Variants in DTWD2 observed in about 807,000 individuals in gnomAD.
DTWD2 encodes the protein tRNA-uridine aminocarboxypropyltransferase 2.
A neutral mutation model predicts 31.8 loss-of-function variants in DTWD2; 39 were observed. That is an observed-to-expected ratio of 1.22 (90% confidence interval 0.95 to 1.60). The LOEUF is 1.60. Ranked by LOEUF, DTWD2 falls within the 40% of genes most tolerant of loss-of-function variation. The pLI, the probability that DTWD2 is intolerant of heterozygous loss-of-function variation, is 0.00. For synonymous variants in DTWD2, 180 were observed against 142.8 expected, an observed-to-expected ratio of 1.26 and a Z score of -1.86; for missense variants, 515 against 381.5, an observed-to-expected ratio of 1.35 and a Z score of -2.92.
At chr5:118,973,077 C>T (rs933684884) in intron 1 of DTWD2, among the ~76,000 whole-genome samples, 2 of 147,946 alleles carry the variant, frequency 1.4e-5, no homozygotes, top group Non-Finnish European at 3.0e-5. Flanking sequence ...GATTGCAACC[C>T]CCTTTTTTTT....
At chr5:118,923,013 G>GC (rs1753736158) in intron 4 of DTWD2, among the ~76,000 whole-genome samples, 1 of 151,512 alleles carries the variant, frequency 6.6e-6, no homozygotes, top group Non-Finnish European at 1.5e-5. Context: ...GGTATATACT[G>GC]CCAGGTAGGC....
chr5:118,885,082 G>A (rs144259813), intron 4 of DTWD2, among the ~76,000 whole-genome samples: 399 of 151,226 alleles, frequency 2.6e-3, no homozygotes, highest in African/African-American at 9.2e-3. Context: ...GCCAAGGCAG[G>A]AGGACTGCTT....
At chr5:118,961,321 T>A (rs1038276587) in intron 1 of DTWD2, among the ~76,000 whole-genome samples, 1 of 152,236 alleles carries the variant, frequency 6.6e-6, no homozygotes, top group African/African-American at 2.4e-5. Context: ...ATATAAAATA[T>A]AGCAAACAGC....
intron 4 of DTWD2, among the ~76,000 whole-genome samples, chr5:118,921,341 T>G (rs990538670): frequency 6.6e-6 from 1 of 151,850 alleles, no homozygotes; most frequent in African/African-American, 2.4e-5. Context: ...GCGAGACCCC[T>G]TCTCTTAAAA....
rs368209347 is a variant in DTWD2, at chr5:118,888,955, T to C, written c.597+39582A>G. On this transcript the variant is annotated intron_variant, in intron 4 of 5. Transcript: ENST00000510708. ...GATTTTTAACTGAGATGTTTACTTATAACTAAGTATGGAAAGTTAATTATA... is the reference window on the plus strand; with the variant it reads ...GATTTTTAACTGAGATGTTTACTTACAACTAAGTATGGAAAGTTAATTATA... Among the ~76,000 whole-genome samples, 5 of 152,354 alleles carry C rather than the reference T, an allele frequency of 3.3e-5. No homozygotes were observed. The East Asian group carries it at 5.8e-4, about 18-fold the overall frequency.
chr5:118,883,933 T>G (rs757816501), intron 4 of DTWD2, among the ~76,000 whole-genome samples: 6 of 152,198 alleles, frequency 3.9e-5, no homozygotes, highest in Non-Finnish European at 5.9e-5. Flanking sequence ...CACAAATATT[T>G]ATAGTTCTGT....
intron 4 of DTWD2, among the ~76,000 whole-genome samples, chr5:118,872,679 A>G (rs1184629333): frequency 6.6e-6 from 1 of 152,244 alleles, no homozygotes; most frequent in African/African-American, 2.4e-5. Flanking sequence ...GACCACCACC[A>G]TAACAGAAAT....
intron 4 of DTWD2, among the ~76,000 whole-genome samples, chr5:118,925,739 G>C (rs796433622): frequency 2.6e-5 from 4 of 152,060 alleles, no homozygotes; most frequent in African/African-American, 9.7e-5. Flanking sequence ...CAGCTACTCA[G>C]GAGGCTGAGG....
At position 118,837,892 on chromosome 5, in the gene DTWD2, C is replaced by A. The variant is rs1751608322; in HGVS notation, c.*3025G>T. On this transcript the variant is annotated 3_prime_UTR_variant, in exon 6 of 6. Coordinates refer to ENST00000510708, the MANE Select transcript of DTWD2 (RefSeq NM_173666.4). Reference sequence around the variant, plus strand: ...TATGATTACACCACTGCACTCCAAACTGGGTGACAGAAGGAGGCCCTGTCT... The same window carrying A: ...TATGATTACACCACTGCACTCCAAAATGGGTGACAGAAGGAGGCCCTGTCT... The A allele has an allele frequency of 6.6e-6, 1 of 152,182 alleles. No individual in the cohort carries two copies. Among genetic ancestry groups the A allele is most frequent in the South Asian group, 2.1e-4 (1 of 4,828 alleles). The allele number at this position is 152,182 out of a possible 1,614,324, so 9.4% of individuals were successfully genotyped here.
chr5:118,859,037 G>C (rs917786624), intron 4 of DTWD2, among the ~76,000 whole-genome samples: 1 of 152,028 alleles, frequency 6.6e-6, no homozygotes, highest in East Asian at 1.9e-4. Flanking sequence ...TTCATCATTA[G>C]TTTGGATCAA....
Position 118,837,521 on chromosome 5 carries a change from T to G in DTWD2, c.*3396A>C, listed in dbSNP as rs1390566426. 1 of 152,182 alleles carries G rather than the reference T, an allele frequency of 6.6e-6. No homozygotes were observed. Among genetic ancestry groups the G allele is most frequent in the Admixed American group, 6.5e-5 (1 of 15,284 alleles). 9.4% of individuals were successfully genotyped at this position (152,182 alleles called of 1,614,324 possible). ...GGTCAACAATTTAGCTCCCTGAAAT[T>G]CAGCATCCCTGAAATTCAATGGAAA... On this transcript the variant is annotated 3_prime_UTR_variant, in exon 6 of 6. Coordinates refer to ENST00000510708, the MANE Select transcript of DTWD2 (RefSeq NM_173666.4).
At chr5:118,968,988 G>A (rs917575565) in intron 1 of DTWD2, among the ~76,000 whole-genome samples, 1 of 152,198 alleles carries the variant, frequency 6.6e-6, no homozygotes, top group African/African-American at 2.4e-5. Flanking sequence ...CCAGCCTGCC[G>A]GCTCCTCTGG....
intron 4 of DTWD2, among the ~76,000 whole-genome samples, chr5:118,903,394 A>C (rs1753259207): frequency 6.6e-6 from 1 of 152,072 alleles, no homozygotes; most frequent in South Asian, 2.1e-4. Context: ...AGAAGTAATA[A>C]ATAACCTTCT....
Position 118,852,568 on chromosome 5 carries a change from A to G in DTWD2, c.598-4350T>C, listed in dbSNP as rs190853244. 7.5e-4 allele frequency among the ~76,000 whole-genome samples: 114 copies of G among 152,300 alleles called. 1 individual carries two copies. Among genetic ancestry groups the G allele is most frequent in the Non-Finnish European group, 1.9e-4 (13 of 68,012 alleles). On this transcript the variant is annotated intron_variant, in intron 4 of 5. Coordinates refer to ENST00000510708, the MANE Select transcript of DTWD2 (RefSeq NM_173666.4). ...TATTATTAAAAAGTCAAAAAATAGC[A>G]GATGCTAGGAAGAGGTTATGGAGAA...
rs916307252 is a variant in DTWD2, at chr5:118,880,965, T to A, written c.598-32747A>T. On this transcript the variant is annotated intron_variant, in intron 4 of 5. Coordinates refer to ENST00000510708, the MANE Select transcript of DTWD2 (RefSeq NM_173666.4). ...AAGCTCTAATGCTATCAGCAAAACG[T>A]GTTGCATGCAAATGATTTGATCTTA... Among the ~76,000 whole-genome samples the A allele has an allele frequency of 8.5e-5, 13 of 152,324 alleles. 1 individual carries two copies. Among genetic ancestry groups the A allele is most frequent in the Admixed American group, 7.8e-4 (12 of 15,308 alleles).
intron 4 of DTWD2, among the ~76,000 whole-genome samples, chr5:118,869,325 T>C (rs1208454238): frequency 2.0e-5 from 3 of 152,070 alleles, no homozygotes; most frequent in Non-Finnish European, 4.4e-5. Flanking sequence ...TTGGTAGAAA[T>C]GAAGTCAACC....
intron 5 of DTWD2, among the ~76,000 whole-genome samples, chr5:118,846,898 C>A (rs1199145976): frequency 7.0e-6 from 1 of 143,254 alleles, no homozygotes; most frequent in Non-Finnish European, 1.5e-5. Flanking sequence ...AGACCCTAAA[C>A]AAAGTCTACT....
chr5:118,953,132 TTCAG>T (rs1342002301), intron 1 of DTWD2, among the ~76,000 whole-genome samples: 7 of 152,200 alleles, frequency 4.6e-5, no homozygotes, highest in Non-Finnish European at 1.0e-4. Flanking sequence ...GAGCTTCTGA[TTCAG>T]TAAGCCTGAG....
At chr5:118,934,765 C>T (rs1193307302) in intron 3 of DTWD2, among the ~76,000 whole-genome samples, 1 of 151,938 alleles carries the variant, frequency 6.6e-6, no homozygotes, top group African/African-American at 2.4e-5. Context: ...AATAAACTCC[C>T]CAATTAAACA....
Sources: gnomAD v4.1 joint callset for allele counts (sites outside exome capture counted in the v4.1 genomes callset) on GRCh38, gnomAD v4.1.1 for gene constraint, MANE v1.5 for transcripts, NCBI Gene and HGNC (gene_info 2026-07-23, HGNC 2026-07-21) for gene names.